Variants in CSMD1 observed in about 807,000 individuals in gnomAD.
CSMD1 encodes CUB and sushi domain-containing protein 1.
CSMD1 carries 213 observed loss-of-function variants against 417.5 expected under a neutral mutation model. The ratio of observed to expected loss-of-function variants is 0.51; its 90% CI spans 0.46 to 0.57. The LOEUF (loss-of-function observed/expected upper bound fraction) is 0.57. Among genes scored for constraint, CSMD1 ranks in the 20% least tolerant of loss-of-function variants. The probability of loss-of-function intolerance (pLI) is 0.00; values close to 1 mark genes in which losing one functional copy is unlikely to be tolerated. For missense variants in CSMD1, 6,923 were observed against 4,529.7 expected (o/e 1.53, Z -15.17); for synonymous variants, 2,862 against 1,736.8 (o/e 1.65, Z -16.11).
intron 5 of CSMD1, among the ~76,000 whole-genome samples, chr8:3,817,938 T>G (rs1333471535): frequency 6.6e-6 from 1 of 152,210 alleles, no homozygotes; most frequent in Non-Finnish European, 1.5e-5. Context: ...AACCTGGTAT[T>G]AGCTAAGTGG....
intron 6 of CSMD1, among the ~76,000 whole-genome samples, chr8:3,751,636 TA>T (rs1052898830): frequency 1.1e-4 from 16 of 151,836 alleles, no homozygotes; most frequent in Admixed American, 2.0e-4. Context: ...ATTAATTACA[TA>T]TTTTTTTTAA....
chr8:4,420,795 G>C (rs1047843158), intron 2 of CSMD1, among the ~76,000 whole-genome samples: 4 of 152,142 alleles, frequency 2.6e-5, no homozygotes, highest in Admixed American at 2.0e-4. Context: ...CCCAACATAA[G>C]AATGCTGAGA....
intron 5 of CSMD1, among the ~76,000 whole-genome samples, chr8:3,936,476 G>C (rs140746095): frequency 1.3e-4 from 20 of 152,306 alleles, no homozygotes; most frequent in African/African-American, 3.6e-4. Context: ...GTTGAAGCCA[G>C]TGCTCATCTA....
intron 3 of CSMD1, among the ~76,000 whole-genome samples, chr8:4,375,297 A>G (rs898784422): frequency 6.6e-5 from 10 of 152,302 alleles, no homozygotes; most frequent in East Asian, 3.9e-4. Flanking sequence ...AAAAAGTGTC[A>G]TATCTCCAAA....
At chr8:4,252,582 T>A (rs1040674976) in intron 3 of CSMD1, among the ~76,000 whole-genome samples, 4 of 152,208 alleles carry the variant, frequency 2.6e-5, no homozygotes, top group Non-Finnish European at 5.9e-5. Flanking sequence ...ACCTACACAA[T>A]GTCTACTCTC....
At chr8:3,574,773 T>G (rs757647986) in intron 10 of CSMD1, among the ~76,000 whole-genome samples, 172 bp downstream of exon 10, 3 of 152,206 alleles carry the variant, frequency 2.0e-5, no homozygotes, top group African/African-American at 2.4e-5. Flanking sequence ...CATCTGAATC[T>G]CAGACTGCTC....
intron 5 of CSMD1, among the ~76,000 whole-genome samples, chr8:3,964,218 A>T (rs916828600): frequency 6.6e-6 from 1 of 152,226 alleles, no homozygotes; most frequent in African/African-American, 2.4e-5. Flanking sequence ...TGTATAAATG[A>T]GAGTGATTTA....
chr8:3,068,980 C>A (rs1162024559), intron 49 of CSMD1, among the ~76,000 whole-genome samples: 1 of 152,120 alleles, frequency 6.6e-6, no homozygotes, highest in African/African-American at 2.4e-5. Context: ...AAGTTCATAA[C>A]TCATTCCAGT....
At chr8:3,551,706 G>A (rs11986061) in intron 10 of CSMD1, among the ~76,000 whole-genome samples, 7,247 of 150,770 alleles carry the variant, frequency 0.048, 341 homozygotes, top group East Asian at 0.12. Flanking sequence ...GACTGATGAT[G>A]AGAAATAGTC....
chr8:4,157,925 A>C (rs1796928012), intron 3 of CSMD1, among the ~76,000 whole-genome samples: 1 of 152,138 alleles, frequency 6.6e-6, no homozygotes, highest in Non-Finnish European at 1.5e-5. Flanking sequence ...CCCTGAGGTT[A>C]AGCAAGCTGT....
chr8:4,114,490 G>C (rs558833971), intron 3 of CSMD1, among the ~76,000 whole-genome samples: 9 of 152,312 alleles, frequency 5.9e-5, no homozygotes, highest in African/African-American at 2.2e-4. Flanking sequence ...CTTCATGCCA[G>C]CTAATAAAAT....
chr8:4,125,087 C>T (rs1292739850), intron 3 of CSMD1, among the ~76,000 whole-genome samples: 1 of 150,146 alleles, frequency 6.7e-6, no homozygotes, highest in Non-Finnish European at 1.5e-5. Flanking sequence ...CGGCTTCATT[C>T]CTTGAAGCCG....
rs1368978592 is a variant in CSMD1 at position 3,006,025 on chromosome 8, ATT to A, written c.8030-5896_8030-5895del. ...CATGATTGTATACCTAGAAAACCCC[ATT>A]GTCTCAGCCCAAAATCTCCTTAAGC... On this transcript the variant is annotated intron_variant, in intron 52 of 69. Transcript: ENST00000635120. Among the ~76,000 whole-genome samples, 17 of 152,172 alleles carry A rather than the reference ATT, an allele frequency of 1.1e-4. No homozygotes were observed. The East Asian group carries it at 2.9e-3, about 26-fold the overall frequency.
At chr8:4,474,438 G>C (rs1384083342) in intron 2 of CSMD1, among the ~76,000 whole-genome samples, 2 of 152,166 alleles carry the variant, frequency 1.3e-5, no homozygotes, top group African/African-American at 4.8e-5. Flanking sequence ...AAGTGAAAAA[G>C]AAATTCTGTA....
At chr8:3,282,333 T>C (rs994865285) in intron 26 of CSMD1, among the ~76,000 whole-genome samples, 3 of 152,092 alleles carry the variant, frequency 2.0e-5, no homozygotes, top group Non-Finnish European at 2.9e-5. Flanking sequence ...CTCTGTGCCT[T>C]CTACTCAATC....
intron 23 of CSMD1, among the ~76,000 whole-genome samples, chr8:3,325,888 C>T (rs138813305): frequency 8.1e-4 from 123 of 152,176 alleles, no homozygotes; most frequent in African/African-American, 2.9e-3. Flanking sequence ...AATGTGAATC[C>T]ACTATCAGAT....
At chr8:3,188,497 G>C (rs1337039500) in intron 35 of CSMD1, among the ~76,000 whole-genome samples, 3 of 151,514 alleles carry the variant, frequency 2.0e-5, no homozygotes, top group African/African-American at 7.3e-5. Context: ...AGTAGAGACA[G>C]GGTTTCACCA....
chr8:3,539,178 G>A (rs987007873), intron 10 of CSMD1, among the ~76,000 whole-genome samples: 1 of 152,088 alleles, frequency 6.6e-6, no homozygotes, highest in Admixed American at 6.5e-5. Context: ...CAGGGCTCTT[G>A]CATTTGCTGT....
chr8:3,493,793 G>C (rs1201154704), intron 10 of CSMD1, 67 bp from the exon 11 acceptor site: 1 of 1,302,520 alleles, frequency 7.7e-7, no homozygotes, highest in Non-Finnish European at 1.1e-6. Context: ...AATAGGTATT[G>C]CAAATATCTA....
Sources: allele counts gnomAD v4.1 joint callset (sites outside exome capture counted in the v4.1 genomes callset), GRCh38; gene constraint gnomAD v4.1.1; transcripts MANE v1.5; gene names NCBI Gene and HGNC (gene_info 2026-07-23, HGNC 2026-07-21).